Variants in JPH3 observed in about 807,000 individuals in gnomAD.
JPH3 encodes junctophilin 3.
Under a neutral mutation model 59.6 loss-of-function variants are expected in JPH3, and 11 were observed. The ratio of observed to expected loss-of-function variants is 0.18; its 90% CI spans 0.12 to 0.31. The LOEUF is 0.31. JPH3 is among the 10% of genes least tolerant of loss of function. The pLI, the probability that JPH3 is intolerant of heterozygous loss-of-function variation, is 1.00. For missense variants in JPH3, 1,202 were observed against 1,105.7 expected, an observed-to-expected ratio of 1.09 and a Z score of -1.24; for synonymous variants, 673 against 483.6, an observed-to-expected ratio of 1.39 and a Z score of -5.14.
At chr16:87,629,989 A>G (rs987769722) in intron 1 of JPH3, among the ~76,000 whole-genome samples, 3 of 152,208 alleles carry the variant, frequency 2.0e-5, no homozygotes, top group Non-Finnish European at 4.4e-5. Context: ...TATTTTTTAA[A>G]AAGAAAAAGT....
chr16:87,617,043 G>T (rs1247600036), intron 1 of JPH3, among the ~76,000 whole-genome samples: 2 of 152,262 alleles, frequency 1.3e-5, no homozygotes, highest in Non-Finnish European at 1.5e-5. Flanking sequence ...TGGCCAACAT[G>T]GTGAAACCCC....
rs2150822657 is a variant in JPH3, at chr16:87,611,743, G to A, written c.382+8215G>A. The stretch of plus-strand genomic sequence containing the variant: ...TCCAGCCCCACCCCTGAGTCTCTGG[G>A]CCTGGGATGCCACCCAAGAATTTAT... On this transcript the variant is annotated intron_variant, in intron 1 of 4. Transcript: ENST00000284262. This position sits in a 1 kb window ranked among gnomAD's most constrained non-coding sequence, Gnocchi z 4.5. 6.6e-6 allele frequency among the ~76,000 whole-genome samples: 1 copy of A among 152,308 alleles called. No individual in the cohort carries two copies. The highest frequency in any genetic ancestry group is 1.5e-5 in the Non-Finnish European group (1 of 68,026).
chr16:87,682,213 C>G (rs2033313589), intron 2 of JPH3, among the ~76,000 whole-genome samples: 1 of 149,084 alleles, frequency 6.7e-6, no homozygotes, highest in African/African-American at 2.5e-5. Context: ...ATGTAAATGT[C>G]ATAGGTTTTT....
rs750215162 is a variant in JPH3, at chr16:87,644,671, C to G, written c.796C>G (p.Leu266Val). ...CAGCGACATCCACTCCACCATCAGC[C>G]TGGGCGAGGCTGAGGCCGAGCTGGC... ...TASDIHSTIS[L>V]GEAEAELAVI... Residue 266 changes from leucine (L) to valine (V), a missense_variant, in exon 2 of 5, where the codon CTG becomes GTG. Leu to Val is a conservative substitution (Grantham distance 32). Coordinates refer to ENST00000284262, the MANE Select transcript of JPH3 (RefSeq NM_020655.4). The G allele has an allele frequency of 7.4e-6, 12 of 1,611,794 alleles. No individual in the cohort carries two copies. In the Admixed American group the frequency reaches 1.2e-4, roughly 16 times the overall value.
chr16:87,667,863 G>A (rs1190067324), intron 2 of JPH3, among the ~76,000 whole-genome samples: 2 of 152,046 alleles, frequency 1.3e-5, no homozygotes, highest in East Asian at 1.9e-4. Context: ...CCTTTAAAAT[G>A]CAAAACCCGT....
At chr16:87,614,922 CGAG>C (rs1239552650) in intron 1 of JPH3, among the ~76,000 whole-genome samples, 1 of 58,232 alleles carries the variant, frequency 1.7e-5, no homozygotes, top group Non-Finnish European at 3.2e-5. Flanking sequence ...CCTGCACACA[CGAG>C]GAGCCGCGCG....
chr16:87,696,761 C>G lies in JPH3; in HGVS notation c.*101C>G, dbSNP rs2033878028. On this transcript the variant is annotated 3_prime_UTR_variant, in exon 5 of 5. Transcript: ENST00000284262. ...GGGAAAGACCGCAACTCGGACAGCC[C>G]AGCGACTTCCAAGTCCTCTCACAGA... The G allele has an allele frequency of 6.6e-6, 6 of 912,202 alleles. No homozygotes were observed. Among genetic ancestry groups the G allele is most frequent in the African/African-American group, 1.6e-5 (1 of 61,090 alleles). 56.5% of individuals were successfully genotyped at this position (912,202 alleles called of 1,614,324 possible).
At chr16:87,661,780 G>C (rs1694632550) in intron 2 of JPH3, among the ~76,000 whole-genome samples, 1 of 152,228 alleles carries the variant, frequency 6.6e-6, no homozygotes, top group Non-Finnish European at 1.5e-5. Context: ...CTTCGACTTA[G>C]AAGGGGAACA....
chr16:87,634,783 G>A (rs1311373239), intron 1 of JPH3, among the ~76,000 whole-genome samples: 2 of 152,262 alleles, frequency 1.3e-5, no homozygotes, highest in Non-Finnish European at 2.9e-5. Context: ...ACGGGCTTTG[G>A]GGTTGGGCCT....
chr16:87,613,166 G>C (rs1177697036), intron 1 of JPH3, among the ~76,000 whole-genome samples: 1 of 140,954 alleles, frequency 7.1e-6, no homozygotes, highest in Non-Finnish European at 1.5e-5. Flanking sequence ...GCGCGATCTC[G>C]GCTCACTGCA....
intron 1 of JPH3, among the ~76,000 whole-genome samples, chr16:87,620,392 A>T (rs1001684212): frequency 2.3e-5 from 3 of 128,504 alleles, no homozygotes; most frequent in African/African-American, 8.7e-5. Context: ...GGGAAGGAGC[A>T]TTTGAGCCTG....
In JPH3 at chr16:87,690,507, A is replaced by G; in HGVS notation, c.2147A>G (p.Asp716Gly). Reference protein sequence around the residue: ...VALESDEENGDELKSSTGSAP... With the variant: ...VALESDEENGGELKSSTGSAP... ...CTAGAGTCCGACGAGGAGAATGGGG[A>G]TGAGCTCAAGTCCAGTACGGTGAGT... Residue 716 changes from aspartate (D) to glycine (G), a missense_variant, in exon 4 of 5, where the codon GAT becomes GGT. Physicochemically the swap from Asp to Gly is moderately conservative, Grantham distance 94. Transcript: ENST00000284262. 6.7e-7 allele frequency: 1 copy of G among 1,482,260 alleles called. No individual in the cohort carries two copies. Among genetic ancestry groups the G allele is most frequent in the Non-Finnish European group, 9.0e-7 (1 of 1,117,288 alleles). The allele number at this position is 1,482,260 out of a possible 1,614,324, so 91.8% of individuals were successfully genotyped here.
At position 87,684,159 on chromosome 16, in the gene JPH3, C is replaced by G. The variant is rs774223995; in HGVS notation, c.1178C>G (p.Ala393Gly). The change falls in exon 3 of 5, where the codon GCA becomes GGA. Residue 393 changes from alanine (A) to glycine (G), a missense_variant. By Grantham distance (60) the Ala-to-Gly change is moderately conservative. Transcript: ENST00000284262. ...IAASRTSHSR[A>G]KAEAALTAAQ... is the part of the protein sequence containing the mutation. ...TCCCCCAGGACCTCCCACTCTCGGG[C>G]AAAGGCCGAGGCAGCCCTCACAGCA... The G allele has an allele frequency of 5.6e-6, 9 of 1,613,604 alleles. No individual in the cohort carries two copies. The highest frequency in any genetic ancestry group is 5.0e-5 in the Admixed American group (3 of 60,004).
At chr16:87,687,609 G>T (rs534616016) in intron 3 of JPH3, among the ~76,000 whole-genome samples, 1 of 151,480 alleles carries the variant, frequency 6.6e-6, no homozygotes, top group Non-Finnish European at 1.5e-5. Flanking sequence ...GCTGCAGGAC[G>T]CAGGTGGCTT....
chr16:87,673,787 G>A (rs1597281576), intron 2 of JPH3, among the ~76,000 whole-genome samples: 1 of 151,984 alleles, frequency 6.6e-6, no homozygotes, highest in East Asian at 1.9e-4. Context: ...TGAGCTGGGT[G>A]TGATGGCGGG....
intron 3 of JPH3, among the ~76,000 whole-genome samples, chr16:87,688,875 C>T (rs919261937): frequency 6.6e-6 from 1 of 152,176 alleles, no homozygotes; most frequent in Non-Finnish European, 1.5e-5. Flanking sequence ...AGATCCCAGT[C>T]AATGTTCTTG....
intron 1 of JPH3, among the ~76,000 whole-genome samples, chr16:87,607,509 G>A (rs116611180): frequency 0.018 from 2,673 of 152,320 alleles, 77 homozygotes; most frequent in African/African-American, 0.061. Flanking sequence ...CCCCCAGAAC[G>A]CAGCCACTGC....
chr16:87,638,363 C>T (rs549492729), intron 1 of JPH3, among the ~76,000 whole-genome samples: 1 of 152,336 alleles, frequency 6.6e-6, no homozygotes, highest in Admixed American at 6.5e-5. Context: ...GACACGTTCA[C>T]TGGACACCTA....
chr16:87,608,231 G>A (rs1361659752), intron 1 of JPH3, among the ~76,000 whole-genome samples: 1 of 152,232 alleles, frequency 6.6e-6, no homozygotes, highest in Non-Finnish European at 1.5e-5. Flanking sequence ...TGGGGGTGGG[G>A]GCAGGAGCCT....
Sources: gnomAD v4.1 joint callset for allele counts (sites outside exome capture counted in the v4.1 genomes callset) on GRCh38, gnomAD v4.1.1 for gene constraint, Gnocchi (gnomAD v3.1) non-coding constraint, MANE v1.5 for transcripts, NCBI Gene and HGNC (gene_info 2026-07-23, HGNC 2026-07-21) for gene names.